LRRC7: variants seen among roughly 807,000 people sequenced by gnomAD.
LRRC7 encodes the protein leucine-rich repeat-containing protein 7.
Under a neutral mutation model 175.7 loss-of-function variants are expected in LRRC7, and 23 were observed. That is an observed-to-expected ratio of 0.13 (90% confidence interval 0.09 to 0.19). LRRC7 has a LOEUF of 0.19. Ranked by LOEUF, LRRC7 falls within the 10% of genes least tolerant of loss-of-function variation. LRRC7 has a pLI of 1.00. For synonymous variants in LRRC7, 685 were observed against 680.9 expected, an observed-to-expected ratio of 1.01 and a Z score of -0.09; for missense variants, 1,354 against 1,904.7, an observed-to-expected ratio of 0.71 and a Z score of 5.38.
At chr1:69,834,899 T>C in intron 6 of LRRC7, 30 bp downstream of exon 6, 1 of 1,550,376 alleles carries the variant, frequency 6.5e-7, no homozygotes, top group Non-Finnish European at 8.9e-7. Flanking sequence ...ATTATGCAAT[T>C]ATATCTCACC....
chr1:69,654,781 A>G (rs568628076), intron 1 of LRRC7, among the ~76,000 whole-genome samples: 2 of 152,276 alleles, frequency 1.3e-5, no homozygotes, highest in Admixed American at 1.3e-4. Flanking sequence ...AGACAAGTTA[A>G]TAATGAATAT....
intron 7 of LRRC7, among the ~76,000 whole-genome samples, chr1:69,848,676 G>C (rs999642781): frequency 1.3e-5 from 2 of 151,950 alleles, no homozygotes; most frequent in Middle Eastern, 3.4e-3. Flanking sequence ...CTCAAGTCAG[G>C]GTTATTTCAG....
intron 7 of LRRC7, among the ~76,000 whole-genome samples, chr1:69,922,675 T>A (rs150102277): frequency 2.6e-5 from 4 of 152,260 alleles, no homozygotes; most frequent in Non-Finnish European, 5.9e-5. Context: ...CTAAAACTAA[T>A]CATCTCAAAA....
Position 70,016,605 on chromosome 1 carries a change from TC to T in LRRC7, c.1320+74del. ...TTGAAAGTTTGAATTACTAATTTAT[TC>T]CCAATAGATACCTTTGACAGCAGCT... On this transcript the variant is annotated intron_variant, in intron 14 of 26. Transcript: ENST00000651989. 3.4e-6 allele frequency: 4 copies of T among 1,164,198 alleles called. No homozygotes were observed. In the South Asian group the frequency reaches 6.9e-5, roughly 20 times the overall value. The allele number at this position is 1,164,198 out of a possible 1,614,324, so 72.1% of individuals were successfully genotyped here.
At chr1:69,570,082 C>G (rs1254034853) in intron 1 of LRRC7, among the ~76,000 whole-genome samples, 1 of 152,062 alleles carries the variant, frequency 6.6e-6, no homozygotes, top group Non-Finnish European at 1.5e-5. Context: ...AAATGTGGCT[C>G]TCCTGGTGGA....
chr1:69,722,568 T>C (rs1189688403), intron 2 of LRRC7, among the ~76,000 whole-genome samples: 1 of 152,044 alleles, frequency 6.6e-6, no homozygotes, highest in African/African-American at 2.4e-5. Flanking sequence ...GCTGTGATGG[T>C]TTACATTTCC....
chr1:70,010,062 C>T (rs1015052260), intron 11 of LRRC7, among the ~76,000 whole-genome samples: 1 of 152,098 alleles, frequency 6.6e-6, no homozygotes, highest in Non-Finnish European at 1.5e-5. Flanking sequence ...TGATGTATTC[C>T]CTTGCATATC....
chr1:70,033,230 G>A (rs1431992898), intron 18 of LRRC7, among the ~76,000 whole-genome samples: 1 of 152,010 alleles, frequency 6.6e-6, no homozygotes, highest in Non-Finnish European at 1.5e-5. Context: ...TTAGGTTTGT[G>A]ACTTAGAATT....
At chr1:70,060,185 G>A (rs941809916) in intron 23 of LRRC7, among the ~76,000 whole-genome samples, 2 of 151,990 alleles carry the variant, frequency 1.3e-5, no homozygotes, top group African/African-American at 4.8e-5. Flanking sequence ...TTAGCCAGGT[G>A]TGGTGGTGTG....
intron 1 of LRRC7, among the ~76,000 whole-genome samples, chr1:69,645,354 T>C (rs571394269): frequency 2.5e-4 from 38 of 152,200 alleles, no homozygotes; most frequent in African/African-American, 9.1e-4. Flanking sequence ...TACTTACTTA[T>C]ATGGTGGGCC....
intron 4 of LRRC7, among the ~76,000 whole-genome samples, chr1:69,794,865 C>T (rs956584613): frequency 3.3e-5 from 5 of 152,122 alleles, no homozygotes; most frequent in Non-Finnish European, 5.9e-5. Flanking sequence ...TGTAAGCATC[C>T]TTAGAAGTTT....
chr1:69,767,616 C>T (rs1569634144), intron 3 of LRRC7, among the ~76,000 whole-genome samples: 2 of 151,954 alleles, frequency 1.3e-5, no homozygotes, highest in South Asian at 4.2e-4. Context: ...GCCACGATGC[C>T]CAGATAATTT....
intron 11 of LRRC7, among the ~76,000 whole-genome samples, chr1:70,010,157 T>C (rs1656370378): frequency 6.6e-6 from 1 of 152,232 alleles, no homozygotes; most frequent in Admixed American, 6.5e-5. Context: ...GTTAGTAAGT[T>C]ACAAAGCTGG....
rs1360907374 is a variant in LRRC7, at chr1:70,125,664, C to T, written c.*3777C>T. ...AAAATTAGCCGGGCGTAGTGGCGGG[C>T]GCCTGTAGTCCCAGCTACTTGGGAG... On this transcript the variant is annotated 3_prime_UTR_variant, in exon 27 of 27. Transcript: ENST00000651989. Among the ~76,000 whole-genome samples, 2 of 148,602 alleles carry T rather than the reference C, an allele frequency of 1.3e-5. No individual in the cohort carries two copies. The highest frequency in any genetic ancestry group is 3.0e-5 in the Non-Finnish European group (2 of 66,606).
chr1:69,748,201 A>G (rs1279973614), intron 2 of LRRC7, among the ~76,000 whole-genome samples: 1 of 152,232 alleles, frequency 6.6e-6, no homozygotes, highest in Non-Finnish European at 1.5e-5. Context: ...TAATTACAAT[A>G]CTAATAAACT....
rs1297091272 is a variant in LRRC7, at chr1:70,143,815, A to AT, written c.*21932dup. On this transcript the variant is annotated 3_prime_UTR_variant, in exon 27 of 27. Transcript: ENST00000651989. Reference sequence around the variant, plus strand: ...TAATTAATATTTTGAGATAATTGTGATTTTGAGCTTAAATTATATATAAAA... The same window carrying AT: ...TAATTAATATTTTGAGATAATTGTGATTTTTGAGCTTAAATTATATATAAAA... 6 of 152,120 alleles carry AT rather than the reference A, an allele frequency of 3.9e-5. No individual in the cohort carries two copies. The highest frequency in any genetic ancestry group is 2.1e-4 in the South Asian group (1 of 4,832). The allele number at this position is 152,120 out of a possible 1,614,324, so 9.4% of individuals were successfully genotyped here.
At chr1:69,919,161 AT>A (rs1329420210) in intron 7 of LRRC7, among the ~76,000 whole-genome samples, 1 of 152,130 alleles carries the variant, frequency 6.6e-6, no homozygotes, top group African/African-American at 2.4e-5. Flanking sequence ...GTAGAGTTTA[AT>A]TCTAACTGCC....
In LRRC7 at chr1:69,886,858, A is replaced by T. The variant is rs899347605; in HGVS notation, c.648-44649A>T. On this transcript the variant is annotated intron_variant, in intron 7 of 26. Coordinates refer to ENST00000651989, the MANE Select transcript of LRRC7 (RefSeq NM_001370785.2). ...CATTTGCTTGTCTGTAAAGTATTTT[A>T]TTTCTCCTTCACTTATGAAGCTTAG... Among the ~76,000 whole-genome samples, 1,255 of 150,524 alleles carry T rather than the reference A, an allele frequency of 8.3e-3. 19 individuals are homozygous for T. Among genetic ancestry groups the T allele is most frequent in the African/African-American group, 0.029 (1,184 of 41,046 alleles).
intron 1 of LRRC7, among the ~76,000 whole-genome samples, chr1:69,591,645 T>A (rs577409171): frequency 7.4e-4 from 112 of 152,142 alleles, no homozygotes; most frequent in African/African-American, 2.6e-3. Context: ...AGATAAATAT[T>A]TTTATTTTTC....
Sources: gnomAD v4.1 joint callset for allele counts (sites outside exome capture counted in the v4.1 genomes callset) on GRCh38, gnomAD v4.1.1 for gene constraint, MANE v1.5 for transcripts, NCBI Gene and HGNC (gene_info 2026-07-23, HGNC 2026-07-21) for gene names.